Variants in SPPL2B observed in about 807,000 individuals in gnomAD.
SPPL2B encodes the protein signal peptide peptidase like 2B.
Under a neutral mutation model 59.7 loss-of-function variants are expected in SPPL2B, and 39 were observed. The ratio of observed to expected loss-of-function variants is 0.65; its 90% CI spans 0.51 to 0.85. SPPL2B has a LOEUF of 0.85. Ranked by LOEUF, SPPL2B falls within the 40% of genes least tolerant of loss-of-function variation. The pLI is 0.00. For synonymous variants in SPPL2B, 419 were observed against 370.8 expected (o/e 1.13, Z -1.49); for missense variants, 865 against 849.0 (o/e 1.02, Z -0.23).
In SPPL2B at chr19:2,338,754, C is replaced by G; in HGVS notation, c.372C>G (p.Val124=). The change falls in exon 4 of 15, where the codon GTC becomes GTG. Residue 124 remains valine (V), a splice_region_variant and synonymous_variant. Transcript: ENST00000613503. ...GLLIVSRERL[V]PPGGNKTQYD... is the part of the protein sequence containing the mutation. ...CGCTCCCTCCTCTGGGCCCCCAGGT[C>G]CCCCCGGGGGGTAATAAGACGCAGT... is the stretch of plus-strand genomic sequence containing the variant. 1.9e-6 allele frequency: 3 copies of G among 1,607,608 alleles called. No homozygotes were observed. The East Asian group carries it at 6.7e-5, about 36-fold the overall frequency.
At chr19:2,338,467 G>A (rs1219565059) in intron 3 of SPPL2B, 1 of 364,826 alleles carries the variant, frequency 2.7e-6, no homozygotes, top group East Asian at 5.5e-5. Context: ...CTCAGGACTT[G>A]TATGTGCGGT....
chr19:2,337,721 T>C, intron 3 of SPPL2B, 96 bp downstream of exon 3: 1 of 1,251,542 alleles, frequency 8.0e-7, no homozygotes, highest in Non-Finnish European at 1.1e-6. Flanking sequence ...GTCTTCCGAC[T>C]TCTCGCTAAA....
At chr19:2,341,469 C>T in intron 8 of SPPL2B, 1 of 445,324 alleles carries the variant, frequency 2.2e-6, no homozygotes, top group Non-Finnish European at 4.6e-6. Context: ...GGCACTGCTC[C>T]CCCCACGCTC....
chr19:2,344,241 C>A, intron 10 of SPPL2B, 121 bp from the exon 11 acceptor site: 1 of 557,062 alleles, frequency 1.8e-6, no homozygotes. Context: ...CCCCATCACC[C>A]CCCATCACCC....
At chr19:2,343,589 G>A (rs895628633) in intron 9 of SPPL2B, among the ~76,000 whole-genome samples, 3 of 152,104 alleles carry the variant, frequency 2.0e-5, no homozygotes, top group Non-Finnish European at 2.9e-5. Context: ...AGGTGGTACC[G>A]GGAGTGCGGG....
Position 2,351,301 on chromosome 19 carries a change from A to AC in SPPL2B, c.1355-128dup, listed in dbSNP as rs974245519. 10 of 700,496 alleles carry AC rather than the reference A, an allele frequency of 1.4e-5. No individual in the cohort carries two copies. The African/African-American group carries it at 1.8e-4, about 13-fold the overall frequency. 43.4% of individuals were successfully genotyped at this position (700,496 alleles called of 1,614,324 possible). A position where few individuals can be genotyped will look rare whatever the true frequency, so the allele number is the denominator to read the frequency against. The stretch of plus-strand genomic sequence containing the variant: ...GGGAGCCTGTGGCCCTGCCGGCTGA[A>AC]CCCCCACTGTACCTCTCCCGTCCTC... On this transcript the variant is annotated intron_variant, in intron 13 of 14. Coordinates refer to ENST00000613503, the MANE Select transcript of SPPL2B (RefSeq NM_152988.3).
At chr19:2,337,044 C>T (rs375273785) in intron 2 of SPPL2B, 10 of 177,380 alleles carry the variant, frequency 5.6e-5, no homozygotes, top group Admixed American at 1.2e-4. Context: ...GTCTTGGCTT[C>T]AGGGGCTGTG....
rs879485717 is a variant in SPPL2B, at chr19:2,337,015, CGT to C, written c.187-418_187-417del. 17 of 164,706 alleles carry C rather than the reference CGT, an allele frequency of 1.0e-4. 1 individual carries two copies. Among genetic ancestry groups the C allele is most frequent in the African/African-American group, 1.7e-4 (7 of 40,724 alleles). The allele number at this position is 164,706 out of a possible 1,614,324, so 10.2% of individuals were successfully genotyped here. On this transcript the variant is annotated intron_variant, in intron 2 of 14. Coordinates refer to ENST00000613503, the MANE Select transcript of SPPL2B (RefSeq NM_152988.3). ...GGCTGTGGGTGTGTGTGTGCGTGTG[CGT>C]GTGTGTGTGCGTGTGTGTCTTGGCT...
intron 7 of SPPL2B, 104 bp from the exon 8 acceptor site, chr19:2,340,794 G>A (rs1968982658): frequency 1.5e-6 from 1 of 645,710 alleles, no homozygotes. Flanking sequence ...CAGAGTGGGG[G>A]CTGCCACTCT....
rs557788984 is a variant in SPPL2B, at chr19:2,348,284, G to A, written c.1354+2954G>A. ...CACGCACTCTTATTCGCCTGATTCC[G>A]TTCTCTCCCTCCACACACACACTCG... On this transcript the variant is annotated intron_variant, in intron 13 of 14. Coordinates refer to ENST00000613503, the MANE Select transcript of SPPL2B (RefSeq NM_152988.3). Among the ~76,000 whole-genome samples, 161 of 82,998 alleles carry A rather than the reference G, an allele frequency of 1.9e-3. 2 individuals carry two copies. Among genetic ancestry groups the A allele is most frequent in the African/African-American group, 6.4e-3 (130 of 20,204 alleles). 54.4% of individuals were successfully genotyped at this position (82,998 alleles called of 152,430 possible).
chr19:2,351,152 C>T (rs889536972), intron 13 of SPPL2B, among the ~76,000 whole-genome samples: 3 of 152,202 alleles, frequency 2.0e-5, no homozygotes, highest in South Asian at 2.1e-4. Flanking sequence ...TGCAGCTGCC[C>T]GGACCCTGCC....
At chr19:2,331,312 T>G (rs1378684668) in intron 1 of SPPL2B, among the ~76,000 whole-genome samples, 1 of 152,224 alleles carries the variant, frequency 6.6e-6, no homozygotes. Context: ...GCCTAGTAGT[T>G]TCTGAACCTG....
At chr19:2,345,177 G>A (rs961527695) in intron 12 of SPPL2B, 76 bp from the exon 13 acceptor site, 2 of 1,310,614 alleles carry the variant, frequency 1.5e-6, no homozygotes, top group African/African-American at 1.5e-5. Flanking sequence ...GTGCTCAGGT[G>A]CCCGCCCGCT....
At chr19:2,345,427 C>A in intron 13 of SPPL2B, 97 bp downstream of exon 13, 2 of 990,094 alleles carry the variant, frequency 2.0e-6, no homozygotes, top group Non-Finnish European at 3.2e-6. Context: ...CCAACCCCAA[C>A]CCTAACCCTA....
intron 2 of SPPL2B, among the ~76,000 whole-genome samples, chr19:2,335,281 C>T (rs1599201931): frequency 7.2e-6 from 1 of 138,492 alleles, no homozygotes; most frequent in African/African-American, 2.7e-5. Context: ...TCCTTTCCCA[C>T]TGCATCCTTC....
intron 2 of SPPL2B, among the ~76,000 whole-genome samples, chr19:2,336,195 G>A (rs1476694118): frequency 1.2e-4 from 18 of 152,052 alleles, no homozygotes; most frequent in Admixed American, 1.2e-3. Flanking sequence ...ATGTGCATGG[G>A]TCTGAATGTG....
chr19:2,346,604 C>T (rs1222520071), intron 13 of SPPL2B, among the ~76,000 whole-genome samples: 4 of 152,144 alleles, frequency 2.6e-5, no homozygotes, highest in Non-Finnish European at 5.9e-5. Context: ...GAGTTCAAGG[C>T]TGCAGTGAGC....
chr19:2,353,509 C>A lies in SPPL2B; in HGVS notation c.*300C>A. ...AGGCCCTGCCCGGCCTCTCTGCAGA[C>A]CCTCAAGCGTCGTCTGCATGAGTGA... is the stretch of plus-strand genomic sequence containing the variant. On this transcript the variant is annotated 3_prime_UTR_variant, in exon 15 of 15. Coordinates refer to ENST00000613503, the MANE Select transcript of SPPL2B (RefSeq NM_152988.3). The A allele has an allele frequency of 2.4e-6, 1 of 425,296 alleles. No homozygotes were observed. 26.3% of individuals were successfully genotyped at this position (425,296 alleles called of 1,614,324 possible).
intron 1 of SPPL2B, 99 bp downstream of exon 1, chr19:2,328,874 G>C: frequency 2.7e-6 from 3 of 1,096,770 alleles, no homozygotes; most frequent in Non-Finnish European, 3.6e-6. Flanking sequence ...GGCCCGTCTT[G>C]GGGGTCCAGC....
Sources: allele counts gnomAD v4.1 joint callset (sites outside exome capture counted in the v4.1 genomes callset), GRCh38; gene constraint gnomAD v4.1.1; transcripts MANE v1.5; gene names NCBI Gene and HGNC (gene_info 2026-07-23, HGNC 2026-07-21).